Variants in RALGAPB observed in about 807,000 individuals in gnomAD.
RALGAPB encodes ral GTPase-activating protein subunit beta.
Under a neutral mutation model 161.1 loss-of-function variants are expected in RALGAPB, and 25 were observed. The ratio of observed to expected loss-of-function variants is 0.16; its 90% confidence interval spans 0.11 to 0.22. RALGAPB has a LOEUF of 0.22. RALGAPB is among the 10% of genes least tolerant of loss of function. The pLI is 1.00. For synonymous variants in RALGAPB, 629 were observed against 626.1 expected (o/e 1.00, Z -0.07); for missense variants, 1,391 against 1,815.2 (o/e 0.77, Z 4.25).
chr20:38,512,039 A>G (rs891505522), intron 6 of RALGAPB, among the ~76,000 whole-genome samples: 1 of 152,162 alleles, frequency 6.6e-6, no homozygotes, highest in African/African-American at 2.4e-5. Context: ...AATTTTGCGT[A>G]TCTTCTTGAA....
intron 15 of RALGAPB, 110 bp from the exon 16 acceptor site, chr20:38,534,964 G>A (rs762134554): frequency 9.9e-5 from 133 of 1,345,966 alleles, no homozygotes; most frequent in South Asian, 1.3e-4. Flanking sequence ...GGTGCCCGTC[G>A]TTCTCACTGT....
chr20:38,508,943 G>A (rs911143570), intron 5 of RALGAPB, 134 bp from the exon 6 acceptor site: 10 of 975,758 alleles, frequency 1.0e-5, no homozygotes, highest in Non-Finnish European at 1.2e-5. Context: ...TTTTATAAAT[G>A]AGGGTTTCCA....
At position 38,532,844 on chromosome 20, in the gene RALGAPB, C is replaced by T. The variant is rs2086697956; in HGVS notation, c.2230C>T (p.Leu744Phe). 6.2e-7 allele frequency: 1 copy of T among 1,614,056 alleles called. No homozygotes were observed. The highest frequency in any genetic ancestry group is 2.2e-5 in the East Asian group (1 of 44,876). ...CGATAGTGAGAGACCTGCTCAAGCT[C>T]TCTTAAGAGATTATGGTTAGTCGTG... ...TPDSERPAQA[L>F]LRDYALNTDS... The change falls in exon 15 of 30, where the codon CTC becomes TTC. Residue 744 changes from leucine to phenylalanine, a missense_variant. Around this residue, in one of 3 missense-constraint regions of RALGAPB, gnomAD observed 946 missense variants for 1,257.2 expected, o/e 0.75. Coordinates refer to ENST00000262879, the MANE Select transcript of RALGAPB (RefSeq NM_020336.4).
In RALGAPB at chr20:38,517,614, G is replaced by A. The variant is rs201625852; in HGVS notation, c.1160G>A (p.Arg387Gln). 2 of 1,613,806 alleles carry A rather than the reference G, an allele frequency of 1.2e-6. No individual in the cohort carries two copies. Among genetic ancestry groups the A allele is most frequent in the Non-Finnish European group, 1.7e-6 (2 of 1,179,972 alleles). Residue 387 changes from arginine (R) to glutamine (Q), a missense_variant, in exon 8 of 30, where the codon CGG (arginine) becomes CAG (glutamine). Around this residue, in one of 3 missense-constraint regions of RALGAPB, gnomAD observed 946 missense variants for 1,257.2 expected, o/e 0.75. Coordinates refer to ENST00000262879, the MANE Select transcript of RALGAPB (RefSeq NM_020336.4). ...STTPPHNRRH[R>Q]AVTVNKATMK... ...ACCCCCCCACATAACCGGAGGCACC[G>A]GGCTGTTACTGTGAATAAGGCCACC...
chr20:38,473,183 G>A (rs2084701165), intron 1 of RALGAPB, 114 bp downstream of exon 1: 1 of 315,236 alleles, frequency 3.2e-6, no homozygotes, highest in African/African-American at 2.2e-5. Flanking sequence ...GGTGCTCCAG[G>A]GGCCCGGCCT....
chr20:38,560,134 A>G lies in RALGAPB; in HGVS notation c.3531+1681A>G, dbSNP rs534111650. 1.4e-4 allele frequency among the ~76,000 whole-genome samples: 21 copies of G among 152,262 alleles called. No individual in the cohort carries two copies. The South Asian group carries it at 3.1e-3, about 23-fold the overall frequency. ...TTTTTTTTTTGTTATTGAGTCAATA[A>G]AGTTAAGAAGTGTCTGTTGTTAGGT... is the stretch of plus-strand genomic sequence containing the variant. On this transcript the variant is annotated intron_variant, in intron 23 of 29. Coordinates refer to ENST00000262879, the MANE Select transcript of RALGAPB (RefSeq NM_020336.4).
intron 24 of RALGAPB, among the ~76,000 whole-genome samples, chr20:38,564,961 GTC>G (rs148681791): frequency 5.9e-3 from 767 of 129,476 alleles, no homozygotes; most frequent in Middle Eastern, 7.9e-3. Context: ...CTCTCTCTCT[GTC>G]TCTCTCTCTC....
rs200314230 is a variant in RALGAPB, at chr20:38,539,811, A to G, written c.2415A>G (p.Arg805=). 10 of 1,613,982 alleles carry G rather than the reference A, an allele frequency of 6.2e-6. No homozygotes were observed. Among genetic ancestry groups the G allele is most frequent in the Non-Finnish European group, 8.5e-6 (10 of 1,179,900 alleles). The part of the protein sequence containing the change: ...KVMVDSGDRK[R]AISSVCTYIV... The stretch of plus-strand genomic sequence containing the variant: ...TGGTTGACTCAGGAGACCGGAAGCG[A>G]GCCATCAGTTCTGTGTGCACCTACA... Residue 805 remains arginine (R), a synonymous_variant, in exon 17 of 30, where the codon CGA becomes CGG. Coordinates refer to ENST00000262879, the MANE Select transcript of RALGAPB (RefSeq NM_020336.4).
Position 38,578,274 on chromosome 20 carries a change from T to C in RALGAPB, c.*3307T>C, listed in dbSNP as rs1241789591. On this transcript the variant is annotated 3_prime_UTR_variant, in exon 30 of 30. Transcript: ENST00000262879. Reference sequence around the variant, plus strand: ...TGAGTTGGAGAGATTGGAGGTGGTCTATCCGTACGATGTGGAATCAAACGG... The same window carrying C: ...TGAGTTGGAGAGATTGGAGGTGGTCCATCCGTACGATGTGGAATCAAACGG... 1 of 152,232 alleles carries C rather than the reference T, an allele frequency of 6.6e-6. No individual in the cohort carries two copies. The highest frequency in any genetic ancestry group is 2.4e-5 in the African/African-American group (1 of 41,472). The allele number at this position is 152,232 out of a possible 1,614,324, so 9.4% of individuals were successfully genotyped here.
chr20:38,569,867 GTCTTCT>G lies in RALGAPB; in HGVS notation c.3955-12_3955-7del, dbSNP rs3830825. 2 of 1,586,502 alleles carry G rather than the reference GTCTTCT, an allele frequency of 1.3e-6. No homozygotes were observed. Among genetic ancestry groups the G allele is most frequent in the Non-Finnish European group, 1.7e-6 (2 of 1,156,052 alleles). Reference sequence around the variant, plus strand: ...GTTGCTGTTGTTTTTCCCGCTCTCTGTCTTCTTCTTCTTCATGTAGCTCAGTCCCAG... The same window carrying G: ...GTTGCTGTTGTTTTTCCCGCTCTCTGTCTTCTTCATGTAGCTCAGTCCCAG... On this transcript the variant is annotated splice_polypyrimidine_tract_variant and intron_variant, in intron 26 of 29. Transcript: ENST00000262879.
chr20:38,535,166 A>AT lies in RALGAPB; in HGVS notation c.2339dup (p.Ser781IlefsTer19). 6.2e-7 allele frequency: 1 copy of AT among 1,614,202 alleles called. No homozygotes were observed. Among genetic ancestry groups the AT allele is most frequent in the Non-Finnish European group, 8.5e-7 (1 of 1,180,014 alleles). The stretch of plus-strand genomic sequence containing the variant: ...CTCCCAGTGGCGCCAAGACATGAGC[A>AT]TATCACTGGCAGCTCTAGAGCTCCT... On this transcript the variant is annotated frameshift_variant, in exon 16 of 30. Transcript: ENST00000262879. LOFTEE classifies it high-confidence loss of function.
chr20:38,573,666 G>T (rs1210663159), intron 28 of RALGAPB: 2 of 152,200 alleles, frequency 1.3e-5, no homozygotes, highest in African/African-American at 4.8e-5. Context: ...TTATATCGGG[G>T]ATTCCTGTCA....
At chr20:38,487,829 G>A (rs1471178513) in intron 1 of RALGAPB, among the ~76,000 whole-genome samples, 1 of 152,142 alleles carries the variant, frequency 6.6e-6, no homozygotes, top group Admixed American at 6.5e-5. Flanking sequence ...CACTTTGGGA[G>A]GCTGAGGCGG....
At chr20:38,572,869 C>T (rs2088291210) in intron 28 of RALGAPB, among the ~76,000 whole-genome samples, 1 of 152,086 alleles carries the variant, frequency 6.6e-6, no homozygotes, top group Admixed American at 6.6e-5. Context: ...TTCATTTTTA[C>T]TAAAATATTC....
chr20:38,541,226 G>A lies in RALGAPB; in HGVS notation c.2714+34G>A, dbSNP rs766242170. ...GTGACCGCACAGGGATTGTGCCTAG[G>A]AATTAGATGGGGTTAGCAGTGATCC... On this transcript the variant is annotated intron_variant, in intron 18 of 29. Transcript: ENST00000262879. 4 of 1,607,086 alleles carry A rather than the reference G, an allele frequency of 2.5e-6. No homozygotes were observed. In the South Asian group the frequency reaches 4.4e-5, roughly 18 times the overall value.
chr20:38,527,237 T>G (rs2086498731), intron 13 of RALGAPB, among the ~76,000 whole-genome samples: 1 of 152,204 alleles, frequency 6.6e-6, no homozygotes, highest in Admixed American at 6.5e-5. Flanking sequence ...AGACATTCCC[T>G]TTAAGCCCTT....
chr20:38,472,845 T>G lies in RALGAPB; in HGVS notation c.-255T>G. ...TATTTGACGCCGCCGCCCCTGGCAG[T>G]CGGAAGTTGCCTGAGCAGATCCCAG... On this transcript the variant is annotated 5_prime_UTR_variant, in exon 1 of 30. Coordinates refer to ENST00000262879, the MANE Select transcript of RALGAPB (RefSeq NM_020336.4). 2.5e-6 allele frequency: 1 copy of G among 398,994 alleles called. No homozygotes were observed. Among genetic ancestry groups the G allele is most frequent in the Non-Finnish European group, 4.4e-6 (1 of 226,044 alleles). 24.7% of individuals were successfully genotyped at this position (398,994 alleles called of 1,614,324 possible).
chr20:38,509,322 C>A, intron 6 of RALGAPB, 114 bp downstream of exon 6: 2 of 1,141,596 alleles, frequency 1.8e-6, no homozygotes, highest in Non-Finnish European at 2.5e-6. Context: ...CCCCATTCAT[C>A]AAATGGAATC....
rs1448403568 is a variant in RALGAPB, at chr20:38,509,155, A to G, written c.819A>G (p.Glu273=). The change falls in exon 6 of 30, where the codon GAA becomes GAG. Residue 273 remains glutamate, a synonymous_variant. Coordinates refer to ENST00000262879, the MANE Select transcript of RALGAPB (RefSeq NM_020336.4). The part of the protein sequence containing the change: ...PDEDASLIPP[E]MDNECVAQTW... ...AAGATGCCAGTCTGATCCCTCCAGA[A>G]ATGGATAATGAGTGTGTTGCACAGA... 6.2e-7 allele frequency: 1 copy of G among 1,613,756 alleles called. No homozygotes were observed.
Sources: gnomAD v4.1 joint callset for allele counts (sites outside exome capture counted in the v4.1 genomes callset) on GRCh38, gnomAD v4.1.1 for gene constraint, gnomAD v4.1.1 regional missense constraint, MANE v1.5 for transcripts, NCBI Gene and HGNC (gene_info 2026-07-23, HGNC 2026-07-21) for gene names.